Variants in ZPBP observed in about 807,000 individuals in gnomAD.
ZPBP encodes zona pellucida binding protein.
In ZPBP, 26 loss-of-function variants were observed where a neutral mutation model predicts 44.8. The observed-to-expected ratio is 0.58, with a 90% CI of 0.43 to 0.81. The LOEUF (loss-of-function observed/expected upper bound fraction) is 0.81. ZPBP is among the 30% of genes least tolerant of loss of function. The pLI is 0.00. For synonymous variants in ZPBP, 174 were observed against 153.2 expected, an observed-to-expected ratio of 1.14 and a Z score of -1.00; for missense variants, 409 against 434.0, an observed-to-expected ratio of 0.94 and a Z score of 0.51.
At chr7:49,980,499 A>G (rs144486525) in intron 7 of ZPBP, among the ~76,000 whole-genome samples, 1 of 151,812 alleles carries the variant, frequency 6.6e-6, no homozygotes, top group East Asian at 1.9e-4. Flanking sequence ...TTGTCTCACG[A>G]TTCTGATGGC....
At chr7:50,017,006 T>C (rs1798848134) in intron 6 of ZPBP, among the ~76,000 whole-genome samples, 1 of 152,036 alleles carries the variant, frequency 6.6e-6, no homozygotes, top group Admixed American at 6.6e-5. Flanking sequence ...CAGGGACTGG[T>C]TTCATGAAAG....
intron 4 of ZPBP, among the ~76,000 whole-genome samples, chr7:50,048,230 A>G (rs961691253): frequency 3.9e-5 from 6 of 152,266 alleles, no homozygotes; most frequent in Non-Finnish European, 7.4e-5. Flanking sequence ...GAACAATTAT[A>G]AACATACAGA....
At chr7:50,010,825 A>C (rs914001910) in intron 6 of ZPBP, among the ~76,000 whole-genome samples, 2 of 149,422 alleles carry the variant, frequency 1.3e-5, no homozygotes, top group African/African-American at 4.9e-5. Context: ...TACCATCATC[A>C]TTCTTCAGAG....
chr7:49,880,208 T>C (rs1583742362), intron 2 of ZPBP, among the ~76,000 whole-genome samples: 1 of 152,220 alleles, frequency 6.6e-6, no homozygotes, highest in Non-Finnish European at 1.5e-5. Context: ...CTTCTTCATA[T>C]GATAATGGTT....
chr7:49,991,745 G>C (rs1408102689), intron 6 of ZPBP, among the ~76,000 whole-genome samples: 1 of 152,070 alleles, frequency 6.6e-6, no homozygotes, highest in East Asian at 1.9e-4. Flanking sequence ...ATGAGACAGA[G>C]AGTGGGCAGG....
intron 4 of ZPBP, among the ~76,000 whole-genome samples, chr7:50,046,963 C>A (rs1415638422): frequency 6.6e-6 from 1 of 152,024 alleles, no homozygotes; most frequent in Non-Finnish European, 1.5e-5. Flanking sequence ...TAGTATGCAG[C>A]CATAAAAAAG....
At chr7:49,848,556 T>TATCA (rs1790051754), downstream of ZPBP, among the ~76,000 whole-genome samples, 1 of 152,230 alleles carries the variant, frequency 6.6e-6, no homozygotes, top group African/African-American at 2.4e-5. Context: ...CTCTCTCGTT[T>TATCA]CCTGGTTTAT....
intron 7 of ZPBP, among the ~76,000 whole-genome samples, chr7:49,970,466 C>CTTTTTTTTTTTTTTTTTTTTTTTTTTTT (rs771955717): frequency 2.3e-5 from 2 of 85,200 alleles, no homozygotes; most frequent in African/African-American, 9.6e-5. Context: ...GCTGAATATA[C>CTTTTTTTTTTTTTTTTTTTTTTTTTTTT]TTTTTTTTTT....
chr7:49,930,163 TG>T (rs1026456199), intron 1 of ZPBP, among the ~76,000 whole-genome samples: 7 of 152,164 alleles, frequency 4.6e-5, no homozygotes, highest in African/African-American at 2.4e-5. Context: ...CACTAAGGAC[TG>T]GGGGCAAGAG....
intron 6 of ZPBP, among the ~76,000 whole-genome samples, chr7:50,003,919 T>A (rs1798195526): frequency 6.6e-6 from 1 of 152,132 alleles, no homozygotes. Context: ...TTTTTACAAA[T>A]TTCCCTAAAT....
intron 4 of ZPBP, among the ~76,000 whole-genome samples, chr7:50,052,204 G>C (rs1800730305): frequency 6.6e-6 from 1 of 151,976 alleles, no homozygotes; most frequent in Non-Finnish European, 1.5e-5. Flanking sequence ...CAAAGAAAGA[G>C]TATCTATCTA....
chr7:50,004,363 C>T (rs1798217698), intron 6 of ZPBP, among the ~76,000 whole-genome samples: 1 of 151,206 alleles, frequency 6.6e-6, no homozygotes, highest in African/African-American at 2.5e-5. Context: ...CAGGAACTCT[C>T]AGGCCTTTGG....
intron 4 of ZPBP, among the ~76,000 whole-genome samples, chr7:50,037,123 A>T (rs1352143055): frequency 6.6e-6 from 1 of 152,196 alleles, no homozygotes. Context: ...GAATACTATA[A>T]TGTGTGCAAG....
chr7:50,046,692 T>C (rs1205613261), intron 4 of ZPBP, among the ~76,000 whole-genome samples: 1 of 152,184 alleles, frequency 6.6e-6, no homozygotes, highest in Non-Finnish European at 1.5e-5. Context: ...TTTACACTGT[T>C]GGTGGGAGTG....
At chr7:49,947,700 C>T (rs905569471) in intron 7 of ZPBP, among the ~76,000 whole-genome samples, 15 of 152,332 alleles carry the variant, frequency 9.8e-5, no homozygotes, top group African/African-American at 3.6e-4. Context: ...GGCTCATAGT[C>T]ACCACTGCCT....
chr7:50,039,817 T>C (rs1799983547), intron 4 of ZPBP, among the ~76,000 whole-genome samples: 1 of 152,072 alleles, frequency 6.6e-6, no homozygotes, highest in South Asian at 2.1e-4. Context: ...GTTTGTAACA[T>C]TTAAAGATGT....
chr7:49,863,300 C>T (rs191565948), intron 2 of ZPBP, among the ~76,000 whole-genome samples: 89 of 152,270 alleles, frequency 5.8e-4, no homozygotes, highest in Middle Eastern at 3.4e-3. Flanking sequence ...TGTGAGCTCC[C>T]ACTTTCATTC....
chr7:50,026,990 C>A (rs1027123953), intron 5 of ZPBP, among the ~76,000 whole-genome samples: 2 of 151,982 alleles, frequency 1.3e-5, no homozygotes, highest in Admixed American at 6.6e-5. Context: ...AATTCTACCT[C>A]ATTTTAATGC....
chr7:49,925,432 A>G (rs1794200237), intron 1 of ZPBP, among the ~76,000 whole-genome samples: 1 of 152,110 alleles, frequency 6.6e-6, no homozygotes, highest in African/African-American at 2.4e-5. Flanking sequence ...TAGTAGCTAG[A>G]CAAGCCTGGG....
Sources: gnomAD v4.1 joint callset for allele counts (sites outside exome capture counted in the v4.1 genomes callset) on GRCh38, gnomAD v4.1.1 for gene constraint, MANE v1.5 for transcripts, NCBI Gene and HGNC (gene_info 2026-07-23, HGNC 2026-07-21) for gene names.